Variants in GOLGA4 observed in about 807,000 individuals in gnomAD.
The protein encoded by GOLGA4 is golgin A4.
Under a neutral mutation model 265.9 loss-of-function variants are expected in GOLGA4, and 169 were observed. The observed-to-expected ratio is 0.64, with a 90% confidence interval of 0.56 to 0.72. The LOEUF is 0.72. GOLGA4 is among the 30% of genes least tolerant of loss of function. The pLI, the probability that GOLGA4 is intolerant of heterozygous loss-of-function variation, is 0.00. For synonymous variants in GOLGA4, 923 were observed against 855.8 expected, an observed-to-expected ratio of 1.08 and a Z score of -1.37; for missense variants, 2,482 against 2,483.4, an observed-to-expected ratio of 1.00 and a Z score of 0.01.
Position 37,328,747 on chromosome 3 carries a change from T to A in GOLGA4, c.6061+210T>A, listed in dbSNP as rs139299660. On this transcript the variant is annotated intron_variant, in intron 15 of 23. Coordinates refer to ENST00000361924, the MANE Select transcript of GOLGA4 (RefSeq NM_002078.5). ...GAGCAGGTAAAACAATCTGAAAGTA[T>A]TAGCTAATTAATTACCTTGTAAAGA... Among the ~76,000 whole-genome samples the A allele has an allele frequency of 1.1e-3, 161 of 152,274 alleles. 5 individuals carry two copies. In the East Asian group the frequency reaches 0.022, roughly 20 times the overall value.
rs757129270 is a variant in GOLGA4, at chr3:37,347,237, A to C, written c.6517A>C (p.Thr2173Pro). 3.7e-6 allele frequency: 6 copies of C among 1,613,058 alleles called. No homozygotes were observed. The highest frequency in any genetic ancestry group is 2.2e-5 in the East Asian group (1 of 44,804). ...HTDVSLFGEPTEFEYLRKVLF... is the reference protein window; with the variant it reads ...HTDVSLFGEPPEFEYLRKVLF... The stretch of plus-strand genomic sequence containing the variant: ...GGATGTCTCACTCTTTGGAGAACCT[A>C]CCGAATTTGAGTATTTGCGAAAAGT... Residue 2173 changes from threonine (T) to proline (P), a missense_variant, in exon 21 of 24, where the codon ACC becomes CCC. Thr to Pro is a conservative substitution (Grantham distance 38). Transcript: ENST00000361924.
rs1326616554 is a variant in GOLGA4, at chr3:37,298,943, T to C, written c.925T>C (p.Cys309Arg). The C allele has an allele frequency of 6.2e-7, 1 of 1,612,918 alleles. No individual in the cohort carries two copies. Among genetic ancestry groups the C allele is most frequent in the East Asian group, 2.2e-5 (1 of 44,862 alleles). The change falls in exon 8 of 24, where the codon TGT (cysteine) becomes CGT (arginine). Residue 309 changes from cysteine to arginine, a missense_variant. Around this residue, in one of 3 missense-constraint regions of GOLGA4, gnomAD observed 1,536 missense variants for 1,483.7 expected, o/e 1.04. Coordinates refer to ENST00000361924, the MANE Select transcript of GOLGA4 (RefSeq NM_002078.5). ...AACAATTCAGTCACATAAGGAACAA[T>C]GTACACTATTAACTAGTGAAAAAGA... ...KETIQSHKEQ[C>R]TLLTSEKEAL...
chr3:37,328,638 C>T (rs2096980143), intron 15 of GOLGA4, 101 bp downstream of exon 15: 13 of 1,081,250 alleles, frequency 1.2e-5, no homozygotes, highest in African/African-American at 6.4e-5. Context: ...AGTCATTAAA[C>T]TGGGGAAGAA....
At chr3:37,244,610 A>G (rs2096713822) in intron 1 of GOLGA4, among the ~76,000 whole-genome samples, 1 of 152,198 alleles carries the variant, frequency 6.6e-6, no homozygotes, top group Admixed American at 6.5e-5. Context: ...TTGCGGTTGC[A>G]AGAAAAGCTG....
rs1290587361 is a variant in GOLGA4 at position 37,337,639 on chromosome 3, T to A, written c.6328-27T>A. On this transcript the variant is annotated intron_variant, in intron 18 of 23. Transcript: ENST00000361924. ...GGGCAATAATGAAACCTATGTGCAT[T>A]TCAGATCTGACTTTTTGTTCTTTCA... 5 of 1,527,694 alleles carry A rather than the reference T, an allele frequency of 3.3e-6. No individual in the cohort carries two copies. The East Asian group carries it at 1.1e-4, about 34-fold the overall frequency. 94.6% of individuals were successfully genotyped at this position (1,527,694 alleles called of 1,614,324 possible). A position where few individuals can be genotyped will look rare whatever the true frequency, so the allele number is the denominator to read the frequency against.
chr3:37,320,498 G>T (rs2096951835), intron 12 of GOLGA4: 1 of 152,002 alleles, frequency 6.6e-6, no homozygotes, highest in Non-Finnish European at 1.5e-5. Context: ...AGCTCTGTGG[G>T]GGCACATGGA....
chr3:37,360,171 G>C (rs1287491317), intron 22 of GOLGA4, among the ~76,000 whole-genome samples: 1 of 151,958 alleles, frequency 6.6e-6, no homozygotes, highest in African/African-American at 2.4e-5. Context: ...GTATGCAATG[G>C]CTTGCTTTTT....
chr3:37,289,201 GT>G, intron 4 of GOLGA4, 33 bp from the exon 5 acceptor site: 1 of 1,324,574 alleles, frequency 7.5e-7, no homozygotes, highest in South Asian at 1.3e-5. Flanking sequence ...ACAGTTAGCT[GT>G]TTAACCAGCT....
chr3:37,271,478 A>G (rs2096798417), intron 2 of GOLGA4, among the ~76,000 whole-genome samples: 1 of 152,204 alleles, frequency 6.6e-6, no homozygotes, highest in Non-Finnish European at 1.5e-5. Context: ...AAAAGTTGAA[A>G]CATATTACAA....
Position 37,364,248 on chromosome 3 carries a change from T to G in GOLGA4, c.*34-1832T>G, listed in dbSNP as rs546594546. 7.4e-4 allele frequency among the ~76,000 whole-genome samples: 113 copies of G among 152,306 alleles called. 2 individuals are homozygous for G. In the South Asian group the frequency reaches 0.022, roughly 29 times the overall value. The stretch of plus-strand genomic sequence containing the variant: ...TAGCATTTTCTTTTCCTTTTCTTTT[T>G]TTTATATTTGAGACGGAGTTTCACT... On this transcript the variant is annotated intron_variant, in intron 23 of 23. Transcript: ENST00000361924.
intron 3 of GOLGA4, among the ~76,000 whole-genome samples, chr3:37,285,594 G>C (rs546601052): frequency 6.6e-6 from 1 of 152,334 alleles, no homozygotes; most frequent in East Asian, 1.9e-4. Context: ...ATAGTTTCCT[G>C]TCTCTCCACA....
At chr3:37,350,470 GAT>G (rs1279127417) in intron 21 of GOLGA4, among the ~76,000 whole-genome samples, 7 of 152,050 alleles carry the variant, frequency 4.6e-5, no homozygotes. Flanking sequence ...ATGTGGTGTT[GAT>G]ATTAGAGAAA....
chr3:37,321,462 C>T (rs767442021), intron 12 of GOLGA4: 69 of 309,262 alleles, frequency 2.2e-4, no homozygotes, highest in Non-Finnish European at 3.6e-4. Context: ...AGCAGTGTTT[C>T]GTAAAACAAG....
chr3:37,366,190 A>C lies in GOLGA4; in HGVS notation c.*144A>C. 3.7e-6 allele frequency: 4 copies of C among 1,074,050 alleles called. No individual in the cohort carries two copies. Among genetic ancestry groups the C allele is most frequent in the African/African-American group, 1.6e-5 (1 of 62,480 alleles). 66.5% of individuals were successfully genotyped at this position (1,074,050 alleles called of 1,614,324 possible). Reference sequence around the variant, plus strand: ...ATGAAGTTGTCATTCAGGGCCCCTCATGTAGCCAAAAGACCAAGAAAAATC... The same window carrying C: ...ATGAAGTTGTCATTCAGGGCCCCTCCTGTAGCCAAAAGACCAAGAAAAATC... On this transcript the variant is annotated 3_prime_UTR_variant, in exon 24 of 24. Coordinates refer to ENST00000361924, the MANE Select transcript of GOLGA4 (RefSeq NM_002078.5).
intron 16 of GOLGA4, among the ~76,000 whole-genome samples, chr3:37,333,331 A>C (rs545696655): frequency 6.6e-6 from 1 of 152,366 alleles, no homozygotes; most frequent in South Asian, 2.1e-4. Context: ...ATATACATAA[A>C]GATTCAACTT....
At chr3:37,246,524 A>T (rs1464876843) in intron 1 of GOLGA4, among the ~76,000 whole-genome samples, 1 of 152,218 alleles carries the variant, frequency 6.6e-6, no homozygotes, top group Non-Finnish European at 1.5e-5. Flanking sequence ...ATACAAAAGG[A>T]TGAATACATG....
At chr3:37,245,013 T>C (rs371789611) in intron 1 of GOLGA4, among the ~76,000 whole-genome samples, 1 of 152,244 alleles carries the variant, frequency 6.6e-6, no homozygotes, top group Non-Finnish European at 1.5e-5. Flanking sequence ...ATTCCATTTC[T>C]AGAAATTTAT....
chr3:37,337,382 T>A (rs1352372972), intron 18 of GOLGA4, among the ~76,000 whole-genome samples: 1 of 151,974 alleles, frequency 6.6e-6, no homozygotes, highest in Non-Finnish European at 1.5e-5. Context: ...TTTTAATTTT[T>A]GTATTTTTAG....
Position 37,362,780 on chromosome 3 carries a change from C to CCTTTTTTTTTTTTTTTTTTT in GOLGA4, c.*33+1475_*33+1476insCTTTTTTTTTTTTTTTTTTT. 1.5e-3 allele frequency among the ~76,000 whole-genome samples: 115 copies of CCTTTTTTTTTTTTTTTTTTT among 75,444 alleles called. 2 individuals are homozygous for CCTTTTTTTTTTTTTTTTTTT. Among genetic ancestry groups the CCTTTTTTTTTTTTTTTTTTT allele is most frequent in the African/African-American group, 4.0e-3 (78 of 19,476 alleles). The allele number at this position is 75,444 out of a possible 152,430, so 49.5% of individuals were successfully genotyped here. A position where few individuals can be genotyped will look rare whatever the true frequency, so the allele number is the denominator to read the frequency against. ...CGATCTTCCTACCTCAGCCTCTAAG[C>CCTTTTTTTTTTTTTTTTTTT]TTTTTTTTTTTTTTTTTTTTGAGAC... On this transcript the variant is annotated intron_variant, in intron 23 of 23. Transcript: ENST00000361924.
Sources: gnomAD v4.1 joint callset for allele counts (sites outside exome capture counted in the v4.1 genomes callset) on GRCh38, gnomAD v4.1.1 for gene constraint, gnomAD v4.1.1 regional missense constraint, MANE v1.5 for transcripts, NCBI Gene and HGNC (gene_info 2026-07-23, HGNC 2026-07-21) for gene names.